The following CAAP1 variants were observed in gnomAD, a reference collection of about 807,000 sequenced individuals.
The protein encoded by CAAP1 is conserved anti-apoptotic protein.
CAAP1 carries 20 observed loss-of-function variants against 34.0 expected under a neutral mutation model. That is an observed-to-expected ratio of 0.59 (90% CI 0.41 to 0.86). The LOEUF is 0.86. Ranked by LOEUF, CAAP1 falls within the 40% of genes least tolerant of loss-of-function variation. The pLI is 0.00. For synonymous variants in CAAP1, 213 were observed against 166.7 expected (o/e 1.28, Z -2.14); for missense variants, 538 against 450.5 (o/e 1.19, Z -1.76).
rs777395213 is a variant in CAAP1, at chr9:26,884,816, A to G, written c.659T>C (p.Val220Ala). ...DDGSKMGSDL[V>A]SQQDICIDSA... ...TGAAAGTTTTTAAACTTACTGACTG[A>G]CTAAATCAGATCCCATCTTAGAACC... Residue 220 changes from valine to alanine, a missense_variant, in exon 4 of 6, where the codon GTC becomes GCC. By Grantham distance (64) the Val-to-Ala change is moderately conservative (BLOSUM62 0). Coordinates refer to ENST00000333916, the MANE Select transcript of CAAP1 (RefSeq NM_024828.4). 13 of 1,606,162 alleles carry G rather than the reference A, an allele frequency of 8.1e-6. No homozygotes were observed. The highest frequency in any genetic ancestry group is 1.1e-5 in the Non-Finnish European group (13 of 1,177,078).
intron 4 of CAAP1, among the ~76,000 whole-genome samples, chr9:26,869,554 A>G (rs187763770): frequency 1.5e-3 from 231 of 152,336 alleles, no homozygotes; most frequent in African/African-American, 5.3e-3. Context: ...CCCTCCAGAT[A>G]TTCTGTTTCC....
At chr9:26,873,997 G>A (rs1041389899) in intron 4 of CAAP1, among the ~76,000 whole-genome samples, 14 of 151,916 alleles carry the variant, frequency 9.2e-5, no homozygotes, top group African/African-American at 3.4e-4. Context: ...CACGAGGTCA[G>A]GAGACTGAGA....
In CAAP1 at chr9:26,864,445, C is replaced by T. The variant is rs1823081103; in HGVS notation, c.666-3306G>A. Among the ~76,000 whole-genome samples, 3 of 152,128 alleles carry T rather than the reference C, an allele frequency of 2.0e-5. No individual in the cohort carries two copies. The South Asian group carries it at 6.2e-4, about 32-fold the overall frequency. ...ATCTCTATTGTGTCCCTCATCAAGC[C>T]CCTTCCTCAGACAGCAAAATTTAAT... On this transcript the variant is annotated intron_variant, in intron 4 of 5. Transcript: ENST00000333916.
At chr9:26,855,601 A>T (rs1263763956) in intron 5 of CAAP1, among the ~76,000 whole-genome samples, 1 of 152,208 alleles carries the variant, frequency 6.6e-6, no homozygotes, top group Non-Finnish European at 1.5e-5. Flanking sequence ...TACCAAAAAA[A>T]AAGCCTTTAA....
intron 4 of CAAP1, among the ~76,000 whole-genome samples, chr9:26,883,916 A>G (rs951776112): frequency 6.6e-6 from 1 of 152,162 alleles, no homozygotes; most frequent in East Asian, 1.9e-4. Context: ...TTTCTACTCT[A>G]TGTTTTCATA....
At chr9:26,874,916 G>C (rs1823388377) in intron 4 of CAAP1, among the ~76,000 whole-genome samples, 1 of 152,106 alleles carries the variant, frequency 6.6e-6, no homozygotes, top group Admixed American at 6.6e-5. Flanking sequence ...AAGATAAACT[G>C]CAAAGATAAA....
intron 5 of CAAP1, 29 bp from the exon 6 acceptor site, chr9:26,842,676 G>A (rs369332054): frequency 2.6e-6 from 4 of 1,530,820 alleles, no homozygotes; most frequent in South Asian, 1.3e-5. Context: ...AAAGATCCAT[G>A]TAACCTAAAT....
intron 5 of CAAP1, among the ~76,000 whole-genome samples, chr9:26,843,306 GAT>G (rs1423326280): frequency 2.0e-5 from 3 of 152,214 alleles, no homozygotes; most frequent in Non-Finnish European, 4.4e-5. Flanking sequence ...TTCTATAACT[GAT>G]GCTAACAACA....
At chr9:26,886,863 G>T (rs547331690) in intron 2 of CAAP1, among the ~76,000 whole-genome samples, 1 of 152,238 alleles carries the variant, frequency 6.6e-6, no homozygotes, top group Admixed American at 6.5e-5. Context: ...ATATATTATG[G>T]TTCTCTATTT....
At chr9:26,858,008 T>A (rs1053740959) in intron 5 of CAAP1, among the ~76,000 whole-genome samples, 2 of 152,230 alleles carry the variant, frequency 1.3e-5, no homozygotes, top group Non-Finnish European at 2.9e-5. Context: ...ATAGGTCACA[T>A]GATATGATTT....
At chr9:26,842,797 CCT>C (rs924016139) in intron 5 of CAAP1, 150 bp from the exon 6 acceptor site, 10 of 596,802 alleles carry the variant, frequency 1.7e-5, no homozygotes, top group African/African-American at 1.3e-4. Context: ...CCTCTTTTCC[CCT>C]GACTCCTCAA....
At chr9:26,871,560 C>T (rs7019075) in intron 4 of CAAP1, among the ~76,000 whole-genome samples, 13,870 of 130,674 alleles carry the variant, frequency 0.11, 1,647 homozygotes, top group East Asian at 0.66. Context: ...CTTGGTGACA[C>T]GGCAAAACTC....
At chr9:26,879,564 T>C (rs778519220) in intron 4 of CAAP1, among the ~76,000 whole-genome samples, 2 of 152,210 alleles carry the variant, frequency 1.3e-5, no homozygotes, top group Non-Finnish European at 2.9e-5. Context: ...GTGAGGGTGT[T>C]GCCAAAGGAG....
intron 4 of CAAP1, among the ~76,000 whole-genome samples, chr9:26,879,076 C>G (rs931775249): frequency 2.0e-5 from 3 of 152,198 alleles, no homozygotes; most frequent in African/African-American, 4.8e-5. Flanking sequence ...TACACTGATT[C>G]TTTGAGATTT....
intron 5 of CAAP1, 65 bp downstream of exon 5, chr9:26,861,000 AT>A: frequency 8.3e-7 from 1 of 1,199,544 alleles, no homozygotes; most frequent in Non-Finnish European, 1.2e-6. Context: ...CTGAAAATTT[AT>A]TTTTGGTAAA....
At chr9:26,873,273 T>C (rs1823325265) in intron 4 of CAAP1, among the ~76,000 whole-genome samples, 1 of 152,212 alleles carries the variant, frequency 6.6e-6, no homozygotes, top group Non-Finnish European at 1.5e-5. Context: ...GTGTTTTAAC[T>C]TATTTTGAGA....
Position 26,885,889 on chromosome 9 carries a change from A to T in CAAP1, c.589+215T>A, listed in dbSNP as rs1473980184. On this transcript the variant is annotated intron_variant, in intron 3 of 5. Coordinates refer to ENST00000333916, the MANE Select transcript of CAAP1 (RefSeq NM_024828.4). Reference sequence around the variant, plus strand: ...TTATTAGTTATACTCTTACCTATATACACTTGACCTGGAAAAACAATATAT... The same window carrying T: ...TTATTAGTTATACTCTTACCTATATTCACTTGACCTGGAAAAACAATATAT... Among the ~76,000 whole-genome samples, 4 of 152,202 alleles carry T rather than the reference A, an allele frequency of 2.6e-5. No homozygotes were observed. The East Asian group carries it at 7.7e-4, about 29-fold the overall frequency.
intron 2 of CAAP1, among the ~76,000 whole-genome samples, chr9:26,886,598 C>T (rs1823744492): frequency 6.6e-6 from 1 of 151,962 alleles, no homozygotes; most frequent in African/African-American, 2.4e-5. Context: ...CAAATATTTC[C>T]CTAAATAATT....
In CAAP1 at chr9:26,842,552, C is replaced by T. The variant is rs1345845092; in HGVS notation, c.835G>A (p.Ala279Thr). 4 of 1,614,048 alleles carry T rather than the reference C, an allele frequency of 2.5e-6. No individual in the cohort carries two copies. The highest frequency in any genetic ancestry group is 1.7e-5 in the Admixed American group (1 of 60,004). Reference protein sequence around the residue: ...PCNEEAAAPEAPENTVQSEAG... With the variant: ...PCNEEAAAPETPENTVQSEAG... ...TCACTTTGGACTGTATTTTCTGGTG[C>T]CTCGGGAGCAGCTGCTTCTTCGTTG... The change falls in exon 6 of 6, where the codon GCA becomes ACA. Residue 279 changes from alanine (A) to threonine (T), a missense_variant. By Grantham distance (58) the Ala-to-Thr change is moderately conservative. Coordinates refer to ENST00000333916, the MANE Select transcript of CAAP1 (RefSeq NM_024828.4).
Sources: gnomAD v4.1 joint callset for allele counts (sites outside exome capture counted in the v4.1 genomes callset) on GRCh38, gnomAD v4.1.1 for gene constraint, MANE v1.5 for transcripts, NCBI Gene and HGNC (gene_info 2026-07-23, HGNC 2026-07-21) for gene names.